SEMA3D: variants seen among roughly 807,000 people sequenced by gnomAD.
SEMA3D encodes the protein semaphorin-3D.
SEMA3D carries 84 observed loss-of-function variants against 100.1 expected under a neutral mutation model. That is an observed-to-expected ratio of 0.84 (90% CI 0.70 to 1.01). The LOEUF (loss-of-function observed/expected upper bound fraction) is 1.01, where lower values mean the gene tolerates loss of function less well. Among genes scored for constraint, SEMA3D ranks in the 50% least tolerant of loss-of-function variants. The pLI, the probability that SEMA3D is intolerant of heterozygous loss-of-function variation, is 0.00. For missense variants in SEMA3D, 875 were observed against 934.1 expected (o/e 0.94, Z 0.82); for synonymous variants, 312 against 320.7 (o/e 0.97, Z 0.29).
intron 6 of SEMA3D, among the ~76,000 whole-genome samples, chr7:85,070,504 A>T (rs750721856): frequency 6.6e-6 from 1 of 152,090 alleles, no homozygotes; most frequent in Non-Finnish European, 1.5e-5. Context: ...GAGGAGCCTT[A>T]TTTATTTGAA....
intron 3 of SEMA3D, among the ~76,000 whole-genome samples, chr7:85,117,804 GTATGTATC>G (rs1399348416): frequency 0.038 from 5,658 of 148,002 alleles, 348 homozygotes; most frequent in African/African-American, 0.13. Flanking sequence ...ATGTATGTAT[GTATGTATC>G]TATCTACCAT....
chr7:85,207,448 C>T, the SEMA3D span, among the ~76,000 whole-genome samples: 70 of 151,972 alleles, frequency 4.6e-4, no homozygotes, highest in Non-Finnish European at 7.5e-4. Flanking sequence ...CAAAAACCAG[C>T]TGTAGAAGAA....
At chr7:85,103,994 T>C (rs1788827129) in intron 3 of SEMA3D, among the ~76,000 whole-genome samples, 1 of 152,042 alleles carries the variant, frequency 6.6e-6, no homozygotes. Context: ...TTGAAGAGTT[T>C]CTTCATTTGT....
intron 1 of SEMA3D, among the ~76,000 whole-genome samples, chr7:85,156,880 C>T (rs1175250825): frequency 6.6e-6 from 1 of 152,078 alleles, no homozygotes; most frequent in Non-Finnish European, 1.5e-5. Flanking sequence ...TTATGGAAAT[C>T]CCCACAAGAA....
chr7:85,035,454 G>A (rs921087555), intron 12 of SEMA3D, among the ~76,000 whole-genome samples: 4 of 152,026 alleles, frequency 2.6e-5, no homozygotes, highest in Admixed American at 2.6e-4. Flanking sequence ...GAATCTTAAG[G>A]ACGTTATGTT....
At chr7:85,127,075 A>G (rs2116421027) in intron 2 of SEMA3D, among the ~76,000 whole-genome samples, 1 of 152,238 alleles carries the variant, frequency 6.6e-6, no homozygotes, top group South Asian at 2.1e-4. Flanking sequence ...TATATTCTAA[A>G]GGAGTCTGGA....
At chr7:85,096,326 A>G (rs62473404) in intron 4 of SEMA3D, among the ~76,000 whole-genome samples, 2 of 151,970 alleles carry the variant, frequency 1.3e-5, no homozygotes, top group Non-Finnish European at 2.9e-5. Context: ...CTATAATTTT[A>G]GATTAGAATG....
the SEMA3D span, among the ~76,000 whole-genome samples, chr7:85,225,105 T>TAC: frequency 5.4e-3 from 99 of 18,174 alleles, 1 homozygote; most frequent in African/African-American, 0.016. Context: ...TATATATATA[T>TAC]ACATACATAT....
intron 3 of SEMA3D, among the ~76,000 whole-genome samples, chr7:85,104,784 A>AAAAAG (rs572885937): frequency 2.0e-5 from 3 of 151,968 alleles, no homozygotes; most frequent in Non-Finnish European, 2.9e-5. Context: ...AGATTAAAAA[A>AAAAAG]AAAAGAAAAG....
the SEMA3D span, among the ~76,000 whole-genome samples, chr7:85,194,908 G>A: frequency 6.6e-6 from 1 of 151,866 alleles, no homozygotes; most frequent in Non-Finnish European, 1.5e-5. Context: ...CAGTTATATT[G>A]GATTAGGTTC....
At chr7:85,004,389 T>C (rs1789737361) in intron 18 of SEMA3D, among the ~76,000 whole-genome samples, 1 of 152,110 alleles carries the variant, frequency 6.6e-6, no homozygotes, top group South Asian at 2.1e-4. Flanking sequence ...GTTATTAAAA[T>C]GCACAGAGAA....
chr7:85,143,365 A>G (rs1364304907), intron 2 of SEMA3D: 2 of 248,682 alleles, frequency 8.0e-6, no homozygotes, highest in African/African-American at 2.3e-5. Context: ...TGATTTCATC[A>G]TTGTTCGAAC....
At chr7:85,152,869 A>G (rs1790467320) in intron 2 of SEMA3D, among the ~76,000 whole-genome samples, 1 of 152,154 alleles carries the variant, frequency 6.6e-6, no homozygotes, top group Admixed American at 6.6e-5. Context: ...AAAAGTAGTC[A>G]CTGATGCAAG....
At chr7:85,017,600 T>C (rs775826893) in intron 15 of SEMA3D, among the ~76,000 whole-genome samples, 1 of 151,760 alleles carries the variant, frequency 6.6e-6, no homozygotes, top group Non-Finnish European at 1.5e-5. Flanking sequence ...GGGGTGCAAA[T>C]AGAAATAATA....
the SEMA3D span, among the ~76,000 whole-genome samples, chr7:85,197,034 T>C: frequency 8.7e-6 from 1 of 114,900 alleles, no homozygotes; most frequent in Non-Finnish European, 1.7e-5. Flanking sequence ...TAATCCTGTA[T>C]ATTGTGACTT....
chr7:85,036,753 A>G (rs185989479), intron 12 of SEMA3D, 136 bp downstream of exon 12: 1 of 644,606 alleles, frequency 1.6e-6, no homozygotes, highest in Admixed American at 3.1e-5. Context: ...TGAAGGATGA[A>G]AATGCTAATA....
At chr7:85,120,454 G>C (rs1485965945) in intron 3 of SEMA3D, among the ~76,000 whole-genome samples, 2 of 151,918 alleles carry the variant, frequency 1.3e-5, no homozygotes, top group Non-Finnish European at 2.9e-5. Flanking sequence ...GATCACTTGA[G>C]GTCAGGGGTT....
chr7:85,199,996 A>G, the SEMA3D span, among the ~76,000 whole-genome samples: 1 of 152,164 alleles, frequency 6.6e-6, no homozygotes, highest in African/African-American at 2.4e-5. Context: ...CATCCACGTA[A>G]GATGTGATTT....
rs578007305 is a variant in SEMA3D at position 85,091,132 on chromosome 7, G to GGGAA, written c.312+6669_312+6672dup. Among the ~76,000 whole-genome samples, 1,118 of 138,028 alleles carry GGGAA rather than the reference G, an allele frequency of 8.1e-3. 9 individuals carry two copies. The highest frequency in any genetic ancestry group is 0.014 in the Non-Finnish European group (895 of 64,264). 90.6% of individuals were successfully genotyped at this position (138,028 alleles called of 152,430 possible). ...AGGGAGGGAAAGAAGGAAGGAAGGAGGGAAGGAAGGAAGGAAGGAGGGAAG... is the reference window on the plus strand; with the variant it reads ...AGGGAGGGAAAGAAGGAAGGAAGGAGGGAAGGAAGGAAGGAAGGAAGGAGGGAAG... On this transcript the variant is annotated intron_variant, in intron 4 of 18. Transcript: ENST00000284136.
Sources: gnomAD v4.1 joint callset for allele counts (sites outside exome capture counted in the v4.1 genomes callset) on GRCh38, gnomAD v4.1.1 for gene constraint, MANE v1.5 for transcripts, NCBI Gene and HGNC (gene_info 2026-07-23, HGNC 2026-07-21) for gene names.